PCDHGA3: variants seen among roughly 807,000 people sequenced by gnomAD.
PCDHGA3 encodes protocadherin gamma subfamily A, 3.
A neutral mutation model predicts 58.5 loss-of-function variants in PCDHGA3; 40 were observed. The ratio of observed to expected loss-of-function variants is 0.68; its 90% confidence interval spans 0.53 to 0.89. The LOEUF (loss-of-function observed/expected upper bound fraction) is 0.89. Among genes scored for constraint, PCDHGA3 ranks in the 40% least tolerant of loss-of-function variants. The probability of loss-of-function intolerance (pLI) is 0.00; values close to 1 mark genes in which losing one functional copy is unlikely to be tolerated. For missense variants in PCDHGA3, 1,223 were observed against 1,195.9 expected (o/e 1.02, Z -0.33); for synonymous variants, 530 against 525.7 (o/e 1.01, Z -0.11).
At chr5:141,435,510 T>C (rs72790047) in intron 1 of PCDHGA3, among the ~76,000 whole-genome samples, 9,714 of 152,280 alleles carry the variant, frequency 0.064, 363 homozygotes, top group African/African-American at 0.099. Context: ...ATGATACTAA[T>C]GATGACTTTG....
intron 1 of PCDHGA3, chr5:141,427,297 A>G (rs1292641772): frequency 2.2e-6 from 1 of 456,900 alleles, no homozygotes; most frequent in Non-Finnish European, 4.4e-6. Context: ...ATCCTAGATG[A>G]GAATGACAAT....
Position 141,431,859 on chromosome 5 carries a change from C to T in PCDHGA3, c.2425-62948C>T. ...AACTCTCCCAGAGGGACATTAATTG[C>T]CCTTTTAAATGTAAATGACCAAGAT... On this transcript the variant is annotated intron_variant, in intron 1 of 3. Coordinates refer to ENST00000253812, the MANE Select transcript of PCDHGA3 (RefSeq NM_018916.4). The surrounding 1 kb of genome is among the most constrained non-coding windows in gnomAD (Gnocchi z 4.8). 3.1e-6 allele frequency: 5 copies of T among 1,614,178 alleles called. No homozygotes were observed. The highest frequency in any genetic ancestry group is 4.2e-6 in the Non-Finnish European group (5 of 1,180,008).
chr5:141,400,080 C>T (rs375308173), intron 1 of PCDHGA3: 219 of 1,614,010 alleles, frequency 1.4e-4, no homozygotes, highest in East Asian at 2.9e-4. Flanking sequence ...CGCCACTCTC[C>T]GCCACCGCCA....
intron 1 of PCDHGA3, among the ~76,000 whole-genome samples, chr5:141,406,024 G>A (rs2094747494): frequency 6.6e-6 from 1 of 151,462 alleles, no homozygotes; most frequent in Admixed American, 6.6e-5. Flanking sequence ...TTTTTGGGTA[G>A]GGTTGCTTCA....
At chr5:141,376,059 C>T (rs761483041) in intron 1 of PCDHGA3, 2 of 1,613,398 alleles carry the variant, frequency 1.2e-6, no homozygotes, top group South Asian at 1.1e-5. Flanking sequence ...GCCACTGTCA[C>T]GCTCACCGTG....
chr5:141,356,479 C>T (rs751078238), intron 1 of PCDHGA3: 1 of 1,613,936 alleles, frequency 6.2e-7, no homozygotes. Context: ...TGCCACTGAC[C>T]AGGGAACTCC....
chr5:141,346,632 G>C (rs1426424420), intron 1 of PCDHGA3, 175 bp downstream of exon 1: 1 of 975,140 alleles, frequency 1.0e-6, no homozygotes, highest in Non-Finnish European at 1.5e-6. Context: ...CCCCGGTCTG[G>C]TTATGGTTGA....
chr5:141,412,415 T>C (rs897201034), intron 1 of PCDHGA3: 5 of 152,248 alleles, frequency 3.3e-5, no homozygotes, highest in Non-Finnish European at 4.4e-5. Context: ...AGATAAAGTA[T>C]GTTTTACACA....
Position 141,489,267 on chromosome 5 carries a change from C to T in PCDHGA3, c.2425-5540C>T, listed in dbSNP as rs370726160. 27 of 1,553,302 alleles carry T rather than the reference C, an allele frequency of 1.7e-5. No individual in the cohort carries two copies. Among genetic ancestry groups the T allele is most frequent in the African/African-American group, 8.2e-5 (6 of 73,324 alleles). ...TGGGGCCCAAGACACTCCCACAGCT[C>T]GCTGGGAAATGGCAAGTGCTGTGCA... On this transcript the variant is annotated intron_variant, in intron 1 of 3. Transcript: ENST00000253812. This position sits in a 1 kb window ranked among gnomAD's most constrained non-coding sequence, Gnocchi z 4.5.
chr5:141,456,093 T>G (rs1362649283), intron 1 of PCDHGA3, among the ~76,000 whole-genome samples: 1 of 151,986 alleles, frequency 6.6e-6, no homozygotes, highest in Non-Finnish European at 1.5e-5. Context: ...GAGACGGGAT[T>G]TCACCGTGTT....
intron 1 of PCDHGA3, chr5:141,366,348 C>T (rs374896827): frequency 6.2e-7 from 1 of 1,613,948 alleles, no homozygotes; most frequent in Admixed American, 1.7e-5. Context: ...GACATCCTGG[C>T]TGACCTAGGC....
Position 141,485,550 on chromosome 5 carries a change from TG to T in PCDHGA3, c.2425-9256del. On this transcript the variant is annotated intron_variant, in intron 1 of 3. Coordinates refer to ENST00000253812, the MANE Select transcript of PCDHGA3 (RefSeq NM_018916.4). The surrounding 1 kb of genome is among the most constrained non-coding windows in gnomAD (Gnocchi z 5.7). ...CGAGCAGAGGTAGAGATCGTAGATGTGAATGATCACGCCCCCCGTTTTCCGC... is the reference window on the plus strand; with the variant it reads ...CGAGCAGAGGTAGAGATCGTAGATGTAATGATCACGCCCCCCGTTTTCCGC... The T allele has an allele frequency of 6.2e-7, 1 of 1,613,820 alleles. No individual in the cohort carries two copies.
chr5:141,364,808 G>A (rs1235589231), intron 1 of PCDHGA3: 2 of 1,614,026 alleles, frequency 1.2e-6, no homozygotes, highest in East Asian at 2.2e-5. Context: ...CGCGCGGGAT[G>A]CGGATGTGGG....
At chr5:141,372,434 T>A (rs767132959) in intron 1 of PCDHGA3, 27 of 1,613,890 alleles carry the variant, frequency 1.7e-5, no homozygotes, top group Non-Finnish European at 2.0e-5. Flanking sequence ...ACCGCCCCAC[T>A]CCCTCTGACC....
At chr5:141,413,407 CTT>C (rs758693256) in intron 1 of PCDHGA3, 1 of 1,613,926 alleles carries the variant, frequency 6.2e-7, no homozygotes, top group Non-Finnish European at 8.5e-7. Context: ...TAGGACGCAG[CTT>C]TTCTCTCTGA....
chr5:141,472,095 C>T (rs1186697747), intron 1 of PCDHGA3, among the ~76,000 whole-genome samples: 1 of 151,998 alleles, frequency 6.6e-6, no homozygotes, highest in African/African-American at 2.4e-5. Flanking sequence ...TATTATTATT[C>T]CCATTTTATA....
intron 1 of PCDHGA3, chr5:141,395,043 G>A: frequency 6.2e-7 from 1 of 1,614,150 alleles, no homozygotes. Flanking sequence ...TGTGGGTGTT[G>A]AGGAGGTACA....
At chr5:141,399,376 AC>A (rs1398817003) in intron 1 of PCDHGA3, 1 of 1,613,956 alleles carries the variant, frequency 6.2e-7, no homozygotes, top group Non-Finnish European at 8.5e-7. Flanking sequence ...GTACAATGTC[AC>A]CATCACAGCC....
intron 1 of PCDHGA3, chr5:141,389,226 C>G: frequency 6.2e-7 from 1 of 1,614,064 alleles, no homozygotes; most frequent in Non-Finnish European, 8.5e-7. Context: ...TGACAACGCT[C>G]CGGTTTTCTC....
Sources: allele counts gnomAD v4.1 joint callset (sites outside exome capture counted in the v4.1 genomes callset), GRCh38; gene constraint gnomAD v4.1.1; non-coding constraint Gnocchi (gnomAD v3.1); transcripts MANE v1.5; gene names NCBI Gene and HGNC (gene_info 2026-07-23, HGNC 2026-07-21).